Variants in FBXO38 observed in about 807,000 individuals in gnomAD.
The protein encoded by FBXO38 is F-box only protein 38.
Under a neutral mutation model 131.9 loss-of-function variants are expected in FBXO38, and 53 were observed. The observed-to-expected ratio is 0.40, with a 90% CI of 0.32 to 0.51. The LOEUF (loss-of-function observed/expected upper bound fraction) is 0.51, where lower values mean the gene tolerates loss of function less well. FBXO38 is among the 20% of genes least tolerant of loss of function. The pLI, the probability that FBXO38 is intolerant of heterozygous loss-of-function variation, is 0.53. For synonymous variants in FBXO38, 452 were observed against 505.6 expected (o/e 0.89, Z 1.42); for missense variants, 1,076 against 1,475.6 (o/e 0.73, Z 4.44).
At chr5:148,385,493 C>T (rs1321277156) in intron 1 of FBXO38, among the ~76,000 whole-genome samples, 3 of 152,202 alleles carry the variant, frequency 2.0e-5, no homozygotes, top group Non-Finnish European at 4.4e-5. Context: ...CACACTGGTA[C>T]ATCCTGCCTC....
chr5:148,396,618 G>GA (rs1758494206), intron 2 of FBXO38, among the ~76,000 whole-genome samples: 1 of 152,110 alleles, frequency 6.6e-6, no homozygotes, highest in Admixed American at 6.6e-5. Flanking sequence ...GATATATTGT[G>GA]AAAAAATTGG....
At chr5:148,420,475 C>A (rs1037236314) in intron 12 of FBXO38, among the ~76,000 whole-genome samples, 1 of 152,102 alleles carries the variant, frequency 6.6e-6, no homozygotes, top group Non-Finnish European at 1.5e-5. Context: ...ATAAGTGTCA[C>A]AATTATGCTT....
At chr5:148,399,301 T>G in intron 3 of FBXO38, 169 bp downstream of exon 3, 1 of 673,656 alleles carries the variant, frequency 1.5e-6, no homozygotes, top group South Asian at 2.0e-5. Flanking sequence ...AAAATGCGTT[T>G]TACCTGAGGC....
At chr5:148,435,785 A>T (rs1400309253) in intron 17 of FBXO38, among the ~76,000 whole-genome samples, 2 of 152,070 alleles carry the variant, frequency 1.3e-5, no homozygotes, top group Non-Finnish European at 2.9e-5. Context: ...AATAAATAAA[A>T]AAATACAGTG....
chr5:148,436,945 T>A lies in FBXO38; in HGVS notation c.2858-1387T>A, dbSNP rs966545159. On this transcript the variant is annotated intron_variant, in intron 17 of 21. Coordinates refer to ENST00000340253, the MANE Select transcript of FBXO38 (RefSeq NM_205836.3). Reference sequence around the variant, plus strand: ...ACAGTAGGGGTACTCACCCTAGCCTTACAGTAGCACTGGAAGAACTTTCAT... The same window carrying A: ...ACAGTAGGGGTACTCACCCTAGCCTAACAGTAGCACTGGAAGAACTTTCAT... Among the ~76,000 whole-genome samples the A allele has an allele frequency of 3.9e-5, 6 of 152,372 alleles. No individual in the cohort carries two copies. In the South Asian group the frequency reaches 1.0e-3, roughly 26 times the overall value.
At chr5:148,435,507 T>C (rs1320823254) in intron 17 of FBXO38, among the ~76,000 whole-genome samples, 1 of 152,128 alleles carries the variant, frequency 6.6e-6, no homozygotes, top group Non-Finnish European at 1.5e-5. Flanking sequence ...CGCAGTGCTT[T>C]ACGCCTGTAA....
chr5:148,404,526 A>G (rs540917931), intron 5 of FBXO38, among the ~76,000 whole-genome samples, 159 bp from the exon 6 acceptor site: 41 of 152,356 alleles, frequency 2.7e-4, no homozygotes, highest in Non-Finnish European at 4.7e-4. Context: ...GCCTGTTTTA[A>G]ATAAGGCAAA....
Position 148,442,801 on chromosome 5 carries a change from A to G in FBXO38, c.*654A>G, listed in dbSNP as rs1490229672. On this transcript the variant is annotated 3_prime_UTR_variant, in exon 22 of 22. Transcript: ENST00000340253. ...CCACATTGAATTGTGTATATGCTTT[A>G]TCTTGAATATAAAATAAAAGTTTAT... 1 of 152,184 alleles carries G rather than the reference A, an allele frequency of 6.6e-6. No individual in the cohort carries two copies. The highest frequency in any genetic ancestry group is 1.5e-5 in the Non-Finnish European group (1 of 68,022). The allele number at this position is 152,184 out of a possible 1,614,324, so 9.4% of individuals were successfully genotyped here.
rs1457099766 is a variant in FBXO38, at chr5:148,406,312, A to T, written c.786A>T (p.Arg262=). 6.2e-7 allele frequency: 1 copy of T among 1,610,910 alleles called. No individual in the cohort carries two copies. Among genetic ancestry groups the T allele is most frequent in the Non-Finnish European group, 8.5e-7 (1 of 1,178,442 alleles). Residue 262 remains arginine, a synonymous_variant, in exon 7 of 22, where the codon CGA becomes CGT. Coordinates refer to ENST00000340253, the MANE Select transcript of FBXO38 (RefSeq NM_205836.3). ...VPLVTGLASA[R]NLEHLEMVRV... is the part of the protein sequence containing the mutation. Reference sequence around the variant, plus strand: ...TAGTAACAGGCTTAGCCTCTGCCCGAAACTTGGAACACTTAGAAATGGTTC... The same window carrying T: ...TAGTAACAGGCTTAGCCTCTGCCCGTAACTTGGAACACTTAGAAATGGTTC...
chr5:148,408,283 A>G (rs1752550715), intron 7 of FBXO38, among the ~76,000 whole-genome samples: 1 of 152,262 alleles, frequency 6.6e-6, no homozygotes, highest in African/African-American at 2.4e-5. Context: ...ACTGATGGTC[A>G]GAATATAAAT....
chr5:148,416,200 G>A, intron 11 of FBXO38, 130 bp downstream of exon 11: 1 of 818,076 alleles, frequency 1.2e-6, no homozygotes, highest in Non-Finnish European at 1.8e-6. Flanking sequence ...TTTACTGCCA[G>A]CCTCAGTGAA....
At chr5:148,421,629 GTATACA>G (rs1399454625) in intron 12 of FBXO38, among the ~76,000 whole-genome samples, 3 of 151,852 alleles carry the variant, frequency 2.0e-5, no homozygotes, top group Non-Finnish European at 2.9e-5. Flanking sequence ...ACATATATAT[GTATACA>G]TATACATATA....
At chr5:148,403,394 AGTTT>A (rs1752271468) in intron 5 of FBXO38, among the ~76,000 whole-genome samples, 1 of 152,238 alleles carries the variant, frequency 6.6e-6, no homozygotes, top group Middle Eastern at 3.4e-3. Context: ...TTGTTTATAG[AGTTT>A]GTTTGAGACA....
At chr5:148,390,511 T>G (rs1231232380) in intron 1 of FBXO38, among the ~76,000 whole-genome samples, 1 of 152,216 alleles carries the variant, frequency 6.6e-6, no homozygotes, top group East Asian at 1.9e-4. Flanking sequence ...CTAGCCGTGA[T>G]GTAAGAAACA....
chr5:148,413,502 G>C (rs887131667), intron 9 of FBXO38: 1 of 152,244 alleles, frequency 6.6e-6, no homozygotes, highest in Admixed American at 6.6e-5. Context: ...AATGATAAGA[G>C]GCAAGGGATG....
chr5:148,424,961 A>T (rs775244214), intron 13 of FBXO38, among the ~76,000 whole-genome samples: 1 of 152,222 alleles, frequency 6.6e-6, no homozygotes, highest in Non-Finnish European at 1.5e-5. Flanking sequence ...TGCCAAGCAG[A>T]TAAAACATTT....
At chr5:148,389,815 G>C (rs905309780) in intron 1 of FBXO38, 1 of 152,216 alleles carries the variant, frequency 6.6e-6, no homozygotes, top group African/African-American at 2.4e-5. Flanking sequence ...GGTCACTTGA[G>C]GTCAGGAGTT....
At chr5:148,405,678 T>C (rs1309862919) in intron 6 of FBXO38, among the ~76,000 whole-genome samples, 4 of 152,244 alleles carry the variant, frequency 2.6e-5, no homozygotes, top group African/African-American at 9.6e-5. Flanking sequence ...AGATGTGCAC[T>C]TTCTTCCTCT....
At chr5:148,424,191 G>A (rs369632578) in intron 13 of FBXO38, 74 bp downstream of exon 13, 9 of 1,439,516 alleles carry the variant, frequency 6.3e-6, no homozygotes, top group South Asian at 2.7e-5. Context: ...ATGAGACAGC[G>A]AGAATGATTG....
Sources: allele counts gnomAD v4.1 joint callset (sites outside exome capture counted in the v4.1 genomes callset), GRCh38; gene constraint gnomAD v4.1.1; transcripts MANE v1.5; gene names NCBI Gene and HGNC (gene_info 2026-07-23, HGNC 2026-07-21).